The following WDR41 variants were observed in gnomAD, a reference collection of about 807,000 sequenced individuals.
WDR41 encodes WD repeat domain 41.
A neutral mutation model predicts 69.3 loss-of-function variants in WDR41; 63 were observed. The observed-to-expected ratio is 0.91, with a 90% CI of 0.74 to 1.12. The LOEUF is 1.12. Ranked by LOEUF, WDR41 falls within the 50% of genes most tolerant of loss-of-function variation. WDR41 has a pLI of 0.00. For synonymous variants in WDR41, 185 were observed against 192.1 expected, an observed-to-expected ratio of 0.96 and a Z score of 0.31; for missense variants, 543 against 534.5, an observed-to-expected ratio of 1.02 and a Z score of -0.16.
intron 1 of WDR41, chr5:77,582,772 C>T (rs1454067507): frequency 1.3e-6 from 2 of 1,598,294 alleles, no homozygotes; most frequent in African/African-American, 1.3e-5. Context: ...GATTAACATG[C>T]TGAGGATTGT....
At chr5:77,573,247 TTCTCTCTC>T (rs139734736) in intron 1 of WDR41, among the ~76,000 whole-genome samples, 1 of 150,290 alleles carries the variant, frequency 6.7e-6, no homozygotes, top group South Asian at 2.1e-4. Context: ...TACTACCAGA[TTCTCTCTC>T]TCTCTCTCTC....
At chr5:77,471,954 G>T (rs932305893) in intron 2 of WDR41, among the ~76,000 whole-genome samples, 1 of 152,080 alleles carries the variant, frequency 6.6e-6, no homozygotes, top group East Asian at 1.9e-4. Flanking sequence ...ACCAAAGCCG[G>T]GCAGAGACAT....
In WDR41 at chr5:77,432,574, T is replaced by C. The variant is rs1232989460; in HGVS notation, c.*561A>G. On this transcript the variant is annotated 3_prime_UTR_variant, in exon 13 of 13. Coordinates refer to ENST00000296679, the MANE Select transcript of WDR41 (RefSeq NM_018268.4). ...CAAGATGCCTATCCATTTGAGTTCATACAGGTTTTAGTAGCTAGAACTAAA... is the reference window on the plus strand; with the variant it reads ...CAAGATGCCTATCCATTTGAGTTCACACAGGTTTTAGTAGCTAGAACTAAA... 6.6e-6 allele frequency: 1 copy of C among 152,276 alleles called. No homozygotes were observed. Among genetic ancestry groups the C allele is most frequent in the East Asian group, 1.9e-4 (1 of 5,192 alleles). 9.4% of individuals were successfully genotyped at this position (152,276 alleles called of 1,614,324 possible).
intron 1 of WDR41, 132 bp downstream of exon 1, chr5:77,492,038 G>T (rs1801820428): frequency 2.6e-6 from 3 of 1,163,142 alleles, no homozygotes; most frequent in Non-Finnish European, 3.6e-6. Context: ...AGAACAGCGC[G>T]TGGCACGAGC....
chr5:77,577,836 A>G (rs1743861303), intron 1 of WDR41, among the ~76,000 whole-genome samples: 1 of 152,210 alleles, frequency 6.6e-6, no homozygotes, highest in Admixed American at 6.5e-5. Flanking sequence ...TGAAACTATC[A>G]TAAGTCAAAA....
At chr5:77,472,881 A>T (rs1800692987) in intron 2 of WDR41, among the ~76,000 whole-genome samples, 1 of 152,166 alleles carries the variant, frequency 6.6e-6, no homozygotes. Context: ...ATCCCCATCA[A>T]GCTACCAATG....
At chr5:77,546,833 C>T (rs2112234027) in intron 1 of WDR41, among the ~76,000 whole-genome samples, 2 of 152,162 alleles carry the variant, frequency 1.3e-5, no homozygotes, top group East Asian at 3.9e-4. Context: ...GTGAAAACTA[C>T]AGACCAATAG....
At chr5:77,615,471 G>T (rs1221450214) in intron 1 of WDR41, among the ~76,000 whole-genome samples, 3 of 151,920 alleles carry the variant, frequency 2.0e-5, no homozygotes, top group Non-Finnish European at 4.4e-5. Context: ...TTGAATCTAG[G>T]TGATGGATAA....
At chr5:77,492,109 G>A (rs1294967644) in intron 1 of WDR41, 61 bp downstream of exon 1, 2 of 1,588,448 alleles carry the variant, frequency 1.3e-6, no homozygotes, top group Non-Finnish European at 8.6e-7. Context: ...AGGCCGAACC[G>A]GAACGAAGCC....
chr5:77,579,959 A>G (rs190243904), intron 1 of WDR41, among the ~76,000 whole-genome samples: 3 of 152,358 alleles, frequency 2.0e-5, no homozygotes, highest in African/African-American at 7.2e-5. Context: ...ATGACCACAA[A>G]TTGATGATTG....
At chr5:77,542,790 A>G (rs1743117083) in intron 1 of WDR41, among the ~76,000 whole-genome samples, 1 of 152,216 alleles carries the variant, frequency 6.6e-6, no homozygotes, top group African/African-American at 2.4e-5. Flanking sequence ...ACTCGGATGG[A>G]CAGAGCAGCA....
chr5:77,440,713 G>C (rs1486436451), intron 9 of WDR41, 100 bp downstream of exon 9: 1 of 1,149,880 alleles, frequency 8.7e-7, no homozygotes, highest in Non-Finnish European at 1.2e-6. Flanking sequence ...AACCATGAAT[G>C]ATACCTTTTT....
intron 3 of WDR41, 152 bp from the exon 4 acceptor site, chr5:77,463,378 T>C: frequency 1.7e-6 from 1 of 604,664 alleles, no homozygotes; most frequent in Non-Finnish European, 2.5e-6. Context: ...TCACACAGAA[T>C]CTAAACAAGC....
At chr5:77,464,552 A>AC (rs1025869583) in intron 3 of WDR41, among the ~76,000 whole-genome samples, 2 of 151,958 alleles carry the variant, frequency 1.3e-5, no homozygotes, top group Non-Finnish European at 2.9e-5. Context: ...CAGCTGGAAA[A>AC]AAAATCTCAA....
chr5:77,442,956 A>G (rs1259980609), intron 8 of WDR41, among the ~76,000 whole-genome samples: 1 of 142,916 alleles, frequency 7.0e-6, no homozygotes, highest in African/African-American at 2.6e-5. Context: ...TACACACTAT[A>G]TATTTAATAG....
chr5:77,563,711 C>T (rs1290060716), intron 1 of WDR41, among the ~76,000 whole-genome samples: 1 of 152,110 alleles, frequency 6.6e-6, no homozygotes, highest in Non-Finnish European at 1.5e-5. Flanking sequence ...ACTGGAGAAA[C>T]ATGGTACTTC....
At chr5:77,532,295 C>T (rs1412358249) in intron 1 of WDR41, among the ~76,000 whole-genome samples, 1 of 151,950 alleles carries the variant, frequency 6.6e-6, no homozygotes, top group Non-Finnish European at 1.5e-5. Context: ...GAAAAATGGA[C>T]AATAACAAGT....
intron 11 of WDR41, 129 bp from the exon 12 acceptor site, chr5:77,436,523 A>G (rs1327704440): frequency 9.2e-7 from 1 of 1,087,856 alleles, no homozygotes; most frequent in African/African-American, 1.6e-5. Flanking sequence ...ACAGTACCTG[A>G]GCACCGTGCT....
In WDR41 at chr5:77,463,205, G is replaced by A. The variant is rs368103875; in HGVS notation, c.238C>T (p.Leu80=). 4 of 1,608,028 alleles carry A rather than the reference G, an allele frequency of 2.5e-6. No homozygotes were observed. In the African/African-American group the frequency reaches 5.4e-5, roughly 22 times the overall value. The change falls in exon 4 of 13, where the codon CTG becomes TTG. Residue 80 remains leucine (L), a synonymous_variant. Transcript: ENST00000296679. ...NAQTGEKLLE[L]NGHTQKITAI... Reference sequence around the variant, plus strand: ...GTTATCTTTTGAGTGTGTCCATTCAGTTCTAAAAGTTTTTCCCCTGTCTGA... The same window carrying A: ...GTTATCTTTTGAGTGTGTCCATTCAATTCTAAAAGTTTTTCCCCTGTCTGA...
Sources: gnomAD v4.1 joint callset for allele counts (sites outside exome capture counted in the v4.1 genomes callset) on GRCh38, gnomAD v4.1.1 for gene constraint, MANE v1.5 for transcripts, NCBI Gene and HGNC (gene_info 2026-07-23, HGNC 2026-07-21) for gene names.